The following UNC5B variants were observed in gnomAD, a reference collection of about 807,000 sequenced individuals.
The protein encoded by UNC5B is netrin receptor UNC5B.
Under a neutral mutation model 103.7 loss-of-function variants are expected in UNC5B, and 56 were observed. That is an observed-to-expected ratio of 0.54 (90% CI 0.44 to 0.67). The LOEUF (loss-of-function observed/expected upper bound fraction) is 0.67, where lower values mean the gene tolerates loss of function less well. Ranked by LOEUF, UNC5B falls within the 30% of genes least tolerant of loss-of-function variation. The pLI is 0.00. For missense variants in UNC5B, 1,194 were observed against 1,284.5 expected, an observed-to-expected ratio of 0.93 and a Z score of 1.08; for synonymous variants, 577 against 542.0, an observed-to-expected ratio of 1.06 and a Z score of -0.90.
chr10:71,283,127 A>G (rs1412867753), intron 2 of UNC5B, among the ~76,000 whole-genome samples: 1 of 151,930 alleles, frequency 6.6e-6, no homozygotes, highest in Non-Finnish European at 1.5e-5. Flanking sequence ...CTCAAAAAAA[A>G]AAAGAGAGGA....
At chr10:71,255,582 C>T (rs1844272265) in intron 1 of UNC5B, among the ~76,000 whole-genome samples, 2 of 152,334 alleles carry the variant, frequency 1.3e-5, no homozygotes, top group Admixed American at 1.3e-4. Flanking sequence ...TAAGAGGCCA[C>T]TCCTTGTTCG....
chr10:71,227,695 TATACAC>T (rs1843599213), intron 1 of UNC5B, among the ~76,000 whole-genome samples: 13 of 126,608 alleles, frequency 1.0e-4, no homozygotes, highest in African/African-American at 4.0e-4. Context: ...TACACATATA[TATACAC>T]ACATATACAC....
intron 1 of UNC5B, among the ~76,000 whole-genome samples, chr10:71,263,979 A>C (rs7902476): frequency 0.81 from 122,547 of 152,148 alleles, 49,920 homozygotes; most frequent in Non-Finnish European, 0.87. Flanking sequence ...CTCTGAGCTA[A>C]ATGGGTGGCA....
chr10:71,264,779 G>A (rs191294675), intron 1 of UNC5B, among the ~76,000 whole-genome samples: 5 of 152,132 alleles, frequency 3.3e-5, no homozygotes, highest in Admixed American at 1.3e-4. Context: ...GGGTTTTAGC[G>A]AGCACTCCAG....
At position 71,286,801 on chromosome 10, in the gene UNC5B, A is replaced by G. The variant is rs780422821; in HGVS notation, c.665A>G (p.Asn222Ser). The G allele has an allele frequency of 1.9e-6, 3 of 1,614,164 alleles. No individual in the cohort carries two copies. The highest frequency in any genetic ancestry group is 2.5e-6 in the Non-Finnish European group (3 of 1,180,042). Residue 222 changes from asparagine (N) to serine (S), a missense_variant, in exon 5 of 17, where the codon AAC becomes AGC. Coordinates refer to ENST00000335350, the MANE Select transcript of UNC5B (RefSeq NM_170744.5). The stretch of plus-strand genomic sequence containing the variant: ...CAGGCCCGCCTGTCGGACACTGCCA[A>G]CTATACCTGCGTGGCCAAGAACATC... Reference protein sequence around the residue: ...IRQARLSDTANYTCVAKNIVA... With the variant: ...IRQARLSDTASYTCVAKNIVA...
intron 1 of UNC5B, among the ~76,000 whole-genome samples, chr10:71,256,469 C>A (rs1411398786): frequency 6.6e-6 from 1 of 152,270 alleles, no homozygotes; most frequent in Non-Finnish European, 1.5e-5. Flanking sequence ...CTGCCAGGAG[C>A]TGGCTCCAGT....
intron 16 of UNC5B, 133 bp from the exon 17 acceptor site, chr10:71,298,979 C>A: frequency 8.5e-7 from 1 of 1,174,226 alleles, no homozygotes; most frequent in Non-Finnish European, 1.2e-6. Flanking sequence ...AGCACAGTAG[C>A]TGCAATTCAG....
At chr10:71,274,669 G>A (rs1281024181) in intron 1 of UNC5B, among the ~76,000 whole-genome samples, 1 of 152,144 alleles carries the variant, frequency 6.6e-6, no homozygotes. Context: ...TTAGAGGTGA[G>A]AGTTTGGATG....
In UNC5B at chr10:71,251,046, T is replaced by C. The variant is rs115892818; in HGVS notation, c.80-28775T>C. 3.5e-3 allele frequency among the ~76,000 whole-genome samples: 540 copies of C among 152,302 alleles called. 3 individuals carry two copies. Among genetic ancestry groups the C allele is most frequent in the African/African-American group, 0.012 (502 of 41,586 alleles). Reference sequence around the variant, plus strand: ...GATCTGGCTCAGTTGGGTCAATTAGTGATGTCTGTCATGGGCTCAGCCATG... The same window carrying C: ...GATCTGGCTCAGTTGGGTCAATTAGCGATGTCTGTCATGGGCTCAGCCATG... On this transcript the variant is annotated intron_variant, in intron 1 of 16. Coordinates refer to ENST00000335350, the MANE Select transcript of UNC5B (RefSeq NM_170744.5).
rs1257694457 is a variant in UNC5B at position 71,293,554 on chromosome 10, C to T, written c.1922C>T (p.Ala641Val). The change falls in exon 12 of 17, where the codon GCC (alanine) becomes GTC (valine). Residue 641 changes from alanine to valine, a missense_variant. Physicochemically the swap from Ala to Val is moderately conservative, Grantham distance 64 (BLOSUM62 0). Transcript: ENST00000335350. ...TGGATCTTTCAGCTCAAGACCCAGG[C>T]CCACCAGGGCCACTGGGAGGTGAGG... ...RDWIFQLKTQ[A>V]HQGHWEEVVT... 2 of 1,613,838 alleles carry T rather than the reference C, an allele frequency of 1.2e-6. No homozygotes were observed. The highest frequency in any genetic ancestry group is 1.7e-6 in the Non-Finnish European group (2 of 1,180,010).
intron 1 of UNC5B, among the ~76,000 whole-genome samples, chr10:71,277,082 A>G (rs1391622476): frequency 6.6e-6 from 1 of 152,182 alleles, no homozygotes; most frequent in African/African-American, 2.4e-5. Flanking sequence ...ATGGATGTCT[A>G]ATGTTTGCTT....
chr10:71,297,487 T>C (rs1845471333), intron 15 of UNC5B, among the ~76,000 whole-genome samples: 1 of 152,226 alleles, frequency 6.6e-6, no homozygotes, highest in African/African-American at 2.4e-5. Context: ...ATCCTCCTCT[T>C]GGGGCATTGT....
At chr10:71,260,189 C>T (rs1358738536) in intron 1 of UNC5B, among the ~76,000 whole-genome samples, 1 of 152,254 alleles carries the variant, frequency 6.6e-6, no homozygotes, top group Non-Finnish European at 1.5e-5. Context: ...CAGCTGTCTC[C>T]AGCCTGAGAT....
chr10:71,269,561 T>A (rs936202271), intron 1 of UNC5B, among the ~76,000 whole-genome samples: 1 of 151,940 alleles, frequency 6.6e-6, no homozygotes, highest in African/African-American at 2.4e-5. Context: ...AGGTCAGCCC[T>A]CCTACCCGCT....
At chr10:71,264,297 C>T (rs1024883508) in intron 1 of UNC5B, among the ~76,000 whole-genome samples, 12 of 152,146 alleles carry the variant, frequency 7.9e-5, no homozygotes, top group African/African-American at 2.2e-4. Context: ...ACAAGAATGC[C>T]GCTTTTGTTC....
intron 1 of UNC5B, among the ~76,000 whole-genome samples, chr10:71,254,736 C>T (rs1289293440): frequency 1.3e-5 from 2 of 152,190 alleles, no homozygotes; most frequent in African/African-American, 4.8e-5. Context: ...CCACCCAGGC[C>T]CCCATAGGTT....
chr10:71,284,025 G>C (rs999883634), intron 2 of UNC5B, among the ~76,000 whole-genome samples: 1 of 152,178 alleles, frequency 6.6e-6, no homozygotes, highest in Non-Finnish European at 1.5e-5. Context: ...ACATGAATGC[G>C]TCCATAAATA....
At chr10:71,287,466 C>T (rs2132306335) in intron 5 of UNC5B, 132 bp from the exon 6 acceptor site, 1 of 1,148,020 alleles carries the variant, frequency 8.7e-7, no homozygotes, top group Non-Finnish European at 1.2e-6. Flanking sequence ...AGTCCCTACA[C>T]TGTAGGCAAA....
At chr10:71,275,136 A>G (rs1844738688) in intron 1 of UNC5B, among the ~76,000 whole-genome samples, 1 of 152,196 alleles carries the variant, frequency 6.6e-6, no homozygotes, top group African/African-American at 2.4e-5. Context: ...TTGTCATTAC[A>G]TCTGTGCAGG....
Sources: gnomAD v4.1 joint callset for allele counts (sites outside exome capture counted in the v4.1 genomes callset) on GRCh38, gnomAD v4.1.1 for gene constraint, MANE v1.5 for transcripts, NCBI Gene and HGNC (gene_info 2026-07-23, HGNC 2026-07-21) for gene names.